The following ARHGAP35 variants were observed in gnomAD, a reference collection of about 807,000 sequenced individuals.
ARHGAP35 encodes the protein rho GTPase-activating protein 35.
A neutral mutation model predicts 111.1 loss-of-function variants in ARHGAP35; 15 were observed. The ratio of observed to expected loss-of-function variants is 0.13; its 90% CI spans 0.09 to 0.21. The LOEUF (loss-of-function observed/expected upper bound fraction) is 0.21, where lower values mean the gene tolerates loss of function less well. Ranked by LOEUF, ARHGAP35 falls within the 10% of genes least tolerant of loss-of-function variation. The pLI, the probability that ARHGAP35 is intolerant of heterozygous loss-of-function variation, is 1.00. For synonymous variants in ARHGAP35, 643 were observed against 710.3 expected (o/e 0.91, Z 1.51); for missense variants, 1,262 against 1,873.0 (o/e 0.67, Z 6.02).
rs2056739395 is a variant in ARHGAP35, at chr19:47,000,352, G to A, written c.4164G>A (p.Val1388=). The A allele has an allele frequency of 1.2e-6, 2 of 1,613,868 alleles. No homozygotes were observed. Among genetic ancestry groups the A allele is most frequent in the Non-Finnish European group, 1.7e-6 (2 of 1,179,852 alleles). The change falls in exon 7 of 7, where the codon GTG becomes GTA. Residue 1388 remains valine (V), a synonymous_variant. Transcript: ENST00000672722. This position sits in a 1 kb window ranked among gnomAD's most constrained non-coding sequence, Gnocchi z 6.9. ...HLNKVSHNNK[V]NLMTSENLSI... is the part of the protein sequence containing the mutation. ...GCAGGGTCAGCCACAACAACAAGGT[G>A]AATCTCATGACCAGCGAGAACCTCT...
Position 46,921,085 on chromosome 19 carries a change from C to T in ARHGAP35, c.2410C>T (p.Leu804Phe). 1 of 1,613,894 alleles carries T rather than the reference C, an allele frequency of 6.2e-7. No individual in the cohort carries two copies. Among genetic ancestry groups the T allele is most frequent in the Middle Eastern group, 1.6e-4 (1 of 6,062 alleles). Reference protein sequence around the residue: ...FSADDILFPVLQSQTCKSSHC... With the variant: ...FSADDILFPVFQSQTCKSSHC... ...TGCAGATGACATACTTTTTCCTGTC[C>T]TTCAGTCCCAAACCTGTAAATCTTC... Residue 804 changes from leucine (L) to phenylalanine (F), a missense_variant, in exon 2 of 7, where the codon CTT becomes TTT. Leu to Phe is a conservative substitution (Grantham distance 22, BLOSUM62 0). Coordinates refer to ENST00000672722, the MANE Select transcript of ARHGAP35 (RefSeq NM_004491.5). This position sits in a 1 kb window ranked among gnomAD's most constrained non-coding sequence, Gnocchi z 4.3.
intron 3 of ARHGAP35, among the ~76,000 whole-genome samples, chr19:46,961,286 A>G (rs898489754): frequency 1.3e-5 from 2 of 152,232 alleles, no homozygotes; most frequent in African/African-American, 4.8e-5. Flanking sequence ...GGCTATCTAT[A>G]CATGTGTAGA....
rs1315847609 is a variant in ARHGAP35 at position 46,901,462 on chromosome 19, G to A, written c.-188-17026G>A. 1.3e-5 allele frequency among the ~76,000 whole-genome samples: 2 copies of A among 152,226 alleles called. No individual in the cohort carries two copies. The highest frequency in any genetic ancestry group is 4.8e-5 in the African/African-American group (2 of 41,450). ...AGTTCCAGCTACTTGGAAGGCTGGAGCAGGAGAATCACTTGAACCCGGGAG... is the reference window on the plus strand; with the variant it reads ...AGTTCCAGCTACTTGGAAGGCTGGAACAGGAGAATCACTTGAACCCGGGAG... On this transcript the variant is annotated intron_variant, in intron 1 of 6. Coordinates refer to ENST00000672722, the MANE Select transcript of ARHGAP35 (RefSeq NM_004491.5). The surrounding 1 kb of genome is among the most constrained non-coding windows in gnomAD (Gnocchi z 4.5).
chr19:46,991,424 GGGCC>G (rs1012253128), intron 5 of ARHGAP35, among the ~76,000 whole-genome samples: 2 of 152,194 alleles, frequency 1.3e-5, no homozygotes, highest in Non-Finnish European at 2.9e-5. Flanking sequence ...TAGGGTTGTG[GGGCC>G]GGCAGGAACG....
chr19:46,998,403 C>T (rs1214853730), intron 5 of ARHGAP35, among the ~76,000 whole-genome samples: 1 of 152,176 alleles, frequency 6.6e-6, no homozygotes, highest in African/African-American at 2.4e-5. Context: ...TTTCCCTGCA[C>T]AGAGAAATCT....
At chr19:46,875,836 C>T (rs2055916007) in intron 1 of ARHGAP35, among the ~76,000 whole-genome samples, 1 of 152,138 alleles carries the variant, frequency 6.6e-6, no homozygotes, top group African/African-American at 2.4e-5. Context: ...TTTGTTATCT[C>T]TTGGTCTTTG....
At chr19:46,976,123 T>C (rs2056578268) in intron 3 of ARHGAP35, among the ~76,000 whole-genome samples, 1 of 152,156 alleles carries the variant, frequency 6.6e-6, no homozygotes. Flanking sequence ...TGTCTGTTAC[T>C]TAATCTCTCT....
chr19:46,911,298 T>C (rs545249318), intron 1 of ARHGAP35, among the ~76,000 whole-genome samples: 23 of 152,370 alleles, frequency 1.5e-4, no homozygotes, highest in African/African-American at 4.8e-4. Flanking sequence ...CAGGAAATGG[T>C]CTATACCATT....
chr19:47,001,624 C>T lies in ARHGAP35; in HGVS notation c.*936C>T, dbSNP rs1021615398. 1.6e-5 allele frequency: 6 copies of T among 366,508 alleles called. No individual in the cohort carries two copies. The highest frequency in any genetic ancestry group is 6.4e-5 in the African/African-American group (3 of 47,010). 22.7% of individuals were successfully genotyped at this position (366,508 alleles called of 1,614,324 possible). ...CCCCCGTTTTCCCAAGAAGAGGGTT[C>T]GAGCCCTTGGTGGGGACAGCTGGGG... On this transcript the variant is annotated 3_prime_UTR_variant, in exon 7 of 7. Transcript: ENST00000672722. This position sits in a 1 kb window ranked among gnomAD's most constrained non-coding sequence, Gnocchi z 5.4.
chr19:46,920,759 A>G lies in ARHGAP35; in HGVS notation c.2084A>G (p.His695Arg), dbSNP rs1160804088. Residue 695 changes from histidine to arginine, a missense_variant, in exon 2 of 7, where the codon CAT becomes CGT. Coordinates refer to ENST00000672722, the MANE Select transcript of ARHGAP35 (RefSeq NM_004491.5). This position sits in a 1 kb window ranked among gnomAD's most constrained non-coding sequence, Gnocchi z 7.0. ...TLGRRDNHLV[H>R]LPLTLILVNK... ...GGCCGGCGGGATAATCATTTAGTCC[A>G]TCTCCCCCTTACATTAATTTTGGTT... 3 of 1,610,062 alleles carry G rather than the reference A, an allele frequency of 1.9e-6. No individual in the cohort carries two copies. Among genetic ancestry groups the G allele is most frequent in the South Asian group, 2.2e-5 (2 of 90,648 alleles).
At chr19:46,925,768 A>C (rs1000774827) in intron 2 of ARHGAP35, among the ~76,000 whole-genome samples, 21 of 152,144 alleles carry the variant, frequency 1.4e-4, no homozygotes, top group African/African-American at 4.8e-4. Flanking sequence ...TGGGCATGTG[A>C]GTCACTTCTC....
chr19:46,863,855 C>T (rs2055841972), intron 1 of ARHGAP35, among the ~76,000 whole-genome samples: 1 of 152,176 alleles, frequency 6.6e-6, no homozygotes, highest in African/African-American at 2.4e-5. Context: ...GGAAGGTGGG[C>T]TTATTTCTTT....
intron 3 of ARHGAP35, among the ~76,000 whole-genome samples, chr19:46,971,608 T>C (rs2056550028): frequency 6.6e-6 from 1 of 150,620 alleles, no homozygotes; most frequent in Non-Finnish European, 1.5e-5. Flanking sequence ...CAAACGATTC[T>C]CCTGCCTCAG....
chr19:46,873,636 CAA>C (rs370925647), intron 1 of ARHGAP35, among the ~76,000 whole-genome samples: 6 of 131,788 alleles, frequency 4.6e-5, no homozygotes, highest in Admixed American at 7.7e-5. Context: ...GACTCTTTCT[CAA>C]AAAAAAAAAA....
Position 46,867,776 on chromosome 19 carries a change from G to GT in ARHGAP35, c.-189+6577dup, listed in dbSNP as rs910553283. On this transcript the variant is annotated intron_variant, in intron 1 of 6. Coordinates refer to ENST00000672722, the MANE Select transcript of ARHGAP35 (RefSeq NM_004491.5). Reference sequence around the variant, plus strand: ...AAAGTTTTTTGTTGTTGTTGTTGTTGTTTTTTTTTTGGAGATGTTTGTACC... The same window carrying GT: ...AAAGTTTTTTGTTGTTGTTGTTGTTGTTTTTTTTTTTGGAGATGTTTGTACC... Among the ~76,000 whole-genome samples, 195 of 146,272 alleles carry GT rather than the reference G, an allele frequency of 1.3e-3. 2 individuals carry two copies. Among genetic ancestry groups the GT allele is most frequent in the Admixed American group, 3.1e-3 (46 of 14,656 alleles).
At chr19:46,869,943 CTTTTTT>C (rs746775975) in intron 1 of ARHGAP35, among the ~76,000 whole-genome samples, 1 of 111,162 alleles carries the variant, frequency 9.0e-6, no homozygotes, top group Admixed American at 9.1e-5. Context: ...TCACTGTGTA[CTTTTTT>C]TTTTTTTTTT....
At chr19:46,982,462 G>T (rs937835762) in intron 3 of ARHGAP35, among the ~76,000 whole-genome samples, 28 of 150,862 alleles carry the variant, frequency 1.9e-4, no homozygotes, top group African/African-American at 6.3e-4. Flanking sequence ...GGGCAACAGA[G>T]TGAGACTTTG....
intron 1 of ARHGAP35, among the ~76,000 whole-genome samples, chr19:46,898,067 C>T (rs1228148019): frequency 1.3e-5 from 2 of 151,984 alleles, no homozygotes; most frequent in East Asian, 1.9e-4. Context: ...CATGGTGAAA[C>T]CCTGTCTCTA....
At position 46,993,151 on chromosome 19, in the gene ARHGAP35, G is replaced by A. The variant is rs2056688094; in HGVS notation, c.4036+3476G>A. Among the ~76,000 whole-genome samples the A allele has an allele frequency of 6.6e-6, 1 of 152,224 alleles. No homozygotes were observed. Among genetic ancestry groups the A allele is most frequent in the African/African-American group, 2.4e-5 (1 of 41,458 alleles). On this transcript the variant is annotated intron_variant, in intron 5 of 6. Coordinates refer to ENST00000672722, the MANE Select transcript of ARHGAP35 (RefSeq NM_004491.5). This position sits in a 1 kb window ranked among gnomAD's most constrained non-coding sequence, Gnocchi z 4.6. ...GGTGATTGCAAAGCCGTGTCTCCAG[G>A]GGAAGGACAGCTTGGATTCTCCATC...
Sources: gnomAD v4.1 joint callset for allele counts (sites outside exome capture counted in the v4.1 genomes callset) on GRCh38, gnomAD v4.1.1 for gene constraint, Gnocchi (gnomAD v3.1) non-coding constraint, MANE v1.5 for transcripts, NCBI Gene and HGNC (gene_info 2026-07-23, HGNC 2026-07-21) for gene names.